Variants in ANAPC2 observed in about 807,000 individuals in gnomAD.
ANAPC2 encodes the protein anaphase-promoting complex subunit 2.
ANAPC2 carries 29 observed loss-of-function variants against 84.3 expected under a neutral mutation model. The observed-to-expected ratio is 0.34, with a 90% CI of 0.26 to 0.47. The LOEUF is 0.47. ANAPC2 is among the 20% of genes least tolerant of loss of function. ANAPC2 has a pLI of 1.00. For missense variants in ANAPC2, 857 were observed against 1,131.7 expected, an observed-to-expected ratio of 0.76 and a Z score of 3.48; for synonymous variants, 571 against 479.4, an observed-to-expected ratio of 1.19 and a Z score of -2.50.
chr9:137,187,695 G>C lies in ANAPC2; in HGVS notation c.526C>G (p.Leu176Val). 3.7e-6 allele frequency: 6 copies of C among 1,614,026 alleles called. No homozygotes were observed. Among genetic ancestry groups the C allele is most frequent in the Non-Finnish European group, 5.1e-6 (6 of 1,180,030 alleles). The change falls in exon 2 of 13, where the codon CTG becomes GTG. Residue 176 changes from leucine (L) to valine (V), a missense_variant. This residue lies in a region of ANAPC2 where 428 missense variants were observed against 513.8 expected (regional missense o/e 0.83). Coordinates refer to ENST00000323927, the MANE Select transcript of ANAPC2 (RefSeq NM_013366.4). The stretch of plus-strand genomic sequence containing the variant: ...TAGACTCTCAAGAAGCACCCATACA[G>C]ACGCTGGATCATCTCTTGGAAGGTT... ...PRTFQEMIQR[L>V]YGCFLRVYMQ...
In ANAPC2 at chr9:137,183,246, C is replaced by G. The variant is rs761000482; in HGVS notation, c.1169-4G>C. On this transcript the variant is annotated splice_region_variant and splice_polypyrimidine_tract_variant and intron_variant, in intron 5 of 12. Coordinates refer to ENST00000323927, the MANE Select transcript of ANAPC2 (RefSeq NM_013366.4). ...ATGATGTCACACGTGTTGACGCCTACAGCCAGGGCAGAAGCCAGCAGTCAT... is the reference window on the plus strand; with the variant it reads ...ATGATGTCACACGTGTTGACGCCTAGAGCCAGGGCAGAAGCCAGCAGTCAT... 6.2e-7 allele frequency: 1 copy of G among 1,610,250 alleles called. No homozygotes were observed. The highest frequency in any genetic ancestry group is 8.5e-7 in the Non-Finnish European group (1 of 1,177,570).
At chr9:137,183,596 C>A in intron 5 of ANAPC2, 76 bp downstream of exon 5, 3 of 1,544,270 alleles carry the variant, frequency 1.9e-6, no homozygotes, top group East Asian at 4.6e-5. Context: ...CAGACTAGGC[C>A]CCAGGCTCCC....
intron 2 of ANAPC2, chr9:137,187,107 G>A: frequency 4.4e-6 from 1 of 228,768 alleles, no homozygotes; most frequent in Non-Finnish European, 8.7e-6. Flanking sequence ...GCAGCAGCAA[G>A]CTTCTGTTCA....
At chr9:137,183,045 C>A in intron 6 of ANAPC2, 80 bp downstream of exon 6, 1 of 1,188,680 alleles carries the variant, frequency 8.4e-7, no homozygotes, top group Non-Finnish European at 1.2e-6. Flanking sequence ...AACACACCCT[C>A]CGGCTGCCCC....
At chr9:137,180,563 G>A (rs955766356) in intron 8 of ANAPC2, 36 bp from the exon 9 acceptor site, 1 of 1,611,914 alleles carries the variant, frequency 6.2e-7, no homozygotes, top group African/African-American at 1.3e-5. Flanking sequence ...GGGTCGTGAT[G>A]AGCCCCAGCC....
Position 137,187,513 on chromosome 9 carries a change from A to G in ANAPC2, c.708T>C (p.Ala236=), listed in dbSNP as rs1408165236. 8 of 1,611,226 alleles carry G rather than the reference A, an allele frequency of 5.0e-6. No homozygotes were observed. The East Asian group carries it at 1.3e-4, about 27-fold the overall frequency. The change falls in exon 2 of 13, where the codon GCT becomes GCC. Residue 236 remains alanine (A), a synonymous_variant. Coordinates refer to ENST00000323927, the MANE Select transcript of ANAPC2 (RefSeq NM_013366.4). ...GGCTGAGCTGATGGAACTGCTCCAG[A>G]GCCTGGCGACACCAGCACTGTTGCT... ...SDKQQCWCRQ[A]LEQFHQLSQV...
chr9:137,180,072 A>G lies in ANAPC2; in HGVS notation c.1890+109T>C. ...GGCGGCTGCGAGACAGGACCAACCC[A>G]GAGACACTCGGGTGACAACGGGGCA... On this transcript the variant is annotated intron_variant, in intron 10 of 12. Coordinates refer to ENST00000323927, the MANE Select transcript of ANAPC2 (RefSeq NM_013366.4). The G allele has an allele frequency of 2.4e-6, 3 of 1,272,084 alleles. No homozygotes were observed. In the Admixed American group the frequency reaches 6.6e-5, roughly 28 times the overall value. The allele number at this position is 1,272,084 out of a possible 1,614,324, so 78.8% of individuals were successfully genotyped here. A position where few individuals can be genotyped will look rare whatever the true frequency, so the allele number is the denominator to read the frequency against.
chr9:137,181,903 C>T (rs1344615631), intron 6 of ANAPC2, 41 bp from the exon 7 acceptor site: 1 of 1,565,014 alleles, frequency 6.4e-7, no homozygotes, highest in African/African-American at 1.3e-5. Context: ...GTGTGGACAC[C>T]CCGCGCGCAC....
chr9:137,185,330 C>T, intron 3 of ANAPC2, among the ~76,000 whole-genome samples: 1 of 152,258 alleles, frequency 6.6e-6, no homozygotes, highest in East Asian at 1.9e-4. Context: ...CCACACTTAT[C>T]ACTGGCAGCA....
chr9:137,185,783 TGC>T (rs1588764848), intron 3 of ANAPC2, among the ~76,000 whole-genome samples: 1 of 152,090 alleles, frequency 6.6e-6, no homozygotes, highest in East Asian at 1.9e-4. Flanking sequence ...ACAGCACAGG[TGC>T]CTGGAGGCCC....
rs753601681 is a variant in ANAPC2 at position 137,175,001 on chromosome 9, G to A, written c.2410C>T (p.Arg804Trp). The A allele has an allele frequency of 3.7e-6, 6 of 1,604,358 alleles. No homozygotes were observed. Among genetic ancestry groups the A allele is most frequent in the Middle Eastern group, 1.7e-4 (1 of 5,768 alleles). Residue 804 changes from arginine to tryptophan, a missense_variant, in exon 13 of 13, where the codon CGG (arginine) becomes TGG (tryptophan). This residue lies in a region of ANAPC2 where 425 missense variants were observed against 595.5 expected (regional missense o/e 0.71). Coordinates refer to ENST00000323927, the MANE Select transcript of ANAPC2 (RefSeq NM_013366.4). ...ELQGYLQKKV[R>W]DQQLVYSAGV... ...GCCGAGTAGACGAGCTGCTGGTCCC[G>A]CACCTTCTTCTGCAGGTAGCCCTGC...
chr9:137,175,946 A>C, intron 10 of ANAPC2, 109 bp from the exon 11 acceptor site: 1 of 1,364,974 alleles, frequency 7.3e-7, no homozygotes, highest in Non-Finnish European at 9.8e-7. Flanking sequence ...CACCTGCCCC[A>C]CCCCACCCTG....
At chr9:137,175,646 G>A (rs1169903084) in intron 11 of ANAPC2, 62 bp downstream of exon 11, 1 of 1,563,062 alleles carries the variant, frequency 6.4e-7, no homozygotes, top group Non-Finnish European at 8.7e-7. Context: ...CTGGGGAACA[G>A]CCCCTCACCC....
At position 137,180,904 on chromosome 9, in the gene ANAPC2, T is replaced by C. The variant is rs375949387; in HGVS notation, c.1494A>G (p.Ser498=). Residue 498 remains serine (S), a synonymous_variant, in exon 8 of 13, where the codon TCA becomes TCG. Transcript: ENST00000323927. ...TGACCAGCAGGCTGATGATGTCCGA[T>C]GAACGCCGCTTGGAGCTCGACTTCC... ...DPGKSSSKRR[S]SDIISLLVSI... is the part of the protein sequence containing the mutation. 1.5e-5 allele frequency: 25 copies of C among 1,613,340 alleles called. No individual in the cohort carries two copies. Among genetic ancestry groups the C allele is most frequent in the African/African-American group, 5.3e-5 (4 of 74,922 alleles).
intron 12 of ANAPC2, 29 bp from the exon 13 acceptor site, chr9:137,175,183 C>A: frequency 6.2e-7 from 1 of 1,602,496 alleles, no homozygotes; most frequent in Non-Finnish European, 8.5e-7. Context: ...CCCCGTCAGG[C>A]ACCTGCAGGC....
chr9:137,175,536 G>A lies in ANAPC2; in HGVS notation c.2021-64C>T, dbSNP rs574190953. ...ACGGGCTGCACCTCCCCTGCCTCCC[G>A]TCAGCCGAGAGGTCGGGGGGCTCCC... is the stretch of plus-strand genomic sequence containing the variant. On this transcript the variant is annotated intron_variant, in intron 11 of 12. Coordinates refer to ENST00000323927, the MANE Select transcript of ANAPC2 (RefSeq NM_013366.4). The A allele has an allele frequency of 1.8e-4, 274 of 1,492,842 alleles. 1 individual carries two copies. Among genetic ancestry groups the A allele is most frequent in the Non-Finnish European group, 2.1e-4 (237 of 1,113,912 alleles). The allele number at this position is 1,492,842 out of a possible 1,614,324, so 92.5% of individuals were successfully genotyped here.
chr9:137,175,918 G>C, intron 10 of ANAPC2, 81 bp from the exon 11 acceptor site: 1 of 1,485,356 alleles, frequency 6.7e-7, no homozygotes, highest in Non-Finnish European at 9.0e-7. Flanking sequence ...GTACCAGTGA[G>C]AAAGGGGCTC....
In ANAPC2 at chr9:137,174,917, G is replaced by A. The variant is rs1420036079; in HGVS notation, c.*25C>T. 1 of 1,471,092 alleles carries A rather than the reference G, an allele frequency of 6.8e-7. No homozygotes were observed. The highest frequency in any genetic ancestry group is 1.4e-5 in the South Asian group (1 of 73,014). The allele number at this position is 1,471,092 out of a possible 1,614,324, so 91.1% of individuals were successfully genotyped here. On this transcript the variant is annotated 3_prime_UTR_variant, in exon 13 of 13. Coordinates refer to ENST00000323927, the MANE Select transcript of ANAPC2 (RefSeq NM_013366.4). The surrounding 1 kb of genome is among the most constrained non-coding windows in gnomAD (Gnocchi z 6.1). ...AGCACCTGCAGGGCAGCGCCTGGCG[G>A]GCGGGCGGGCGGGCGGGCGATGTGT...
intron 10 of ANAPC2, among the ~76,000 whole-genome samples, chr9:137,179,473 C>T (rs890937890): frequency 1.1e-4 from 17 of 152,188 alleles, no homozygotes; most frequent in Non-Finnish European, 1.8e-4. Context: ...AGGCTCTGGA[C>T]GCCTGTACTG....
Sources: allele counts gnomAD v4.1 joint callset (sites outside exome capture counted in the v4.1 genomes callset), GRCh38; gene constraint gnomAD v4.1.1; regional missense constraint gnomAD v4.1.1; non-coding constraint Gnocchi (gnomAD v3.1); transcripts MANE v1.5; gene names NCBI Gene and HGNC (gene_info 2026-07-23, HGNC 2026-07-21).